Variants in KSR1 observed in about 807,000 individuals in gnomAD.
The protein encoded by KSR1 is kinase suppressor of ras.
In KSR1, 35 loss-of-function variants were observed where a neutral mutation model predicts 92.9. The ratio of observed to expected loss-of-function variants is 0.38; its 90% CI spans 0.29 to 0.50. KSR1 has a LOEUF of 0.50. Among genes scored for constraint, KSR1 ranks in the 20% least tolerant of loss-of-function variants. The pLI is 0.94. For synonymous variants in KSR1, 467 were observed against 472.6 expected, an observed-to-expected ratio of 0.99 and a Z score of 0.15; for missense variants, 972 against 1,158.5, an observed-to-expected ratio of 0.84 and a Z score of 2.34.
intron 2 of KSR1, among the ~76,000 whole-genome samples, chr17:27,568,207 G>A (rs141886707): frequency 4.6e-5 from 7 of 152,308 alleles, no homozygotes; most frequent in Admixed American, 6.5e-5. Context: ...TCCAAAACCC[G>A]ACAGCTCTTG....
chr17:27,562,079 C>T (rs1427123376), intron 2 of KSR1, among the ~76,000 whole-genome samples: 1 of 152,160 alleles, frequency 6.6e-6, no homozygotes, highest in Admixed American at 6.5e-5. Context: ...CTCTAGTCCT[C>T]AAGTGATCTG....
chr17:27,519,967 G>A (rs1401533776), intron 1 of KSR1, among the ~76,000 whole-genome samples: 1 of 152,208 alleles, frequency 6.6e-6, no homozygotes, highest in Non-Finnish European at 1.5e-5. Context: ...GCTGCTGTTA[G>A]ACCATGGGTA....
chr17:27,465,839 G>A (rs182588571), intron 1 of KSR1, among the ~76,000 whole-genome samples: 1 of 151,896 alleles, frequency 6.6e-6, no homozygotes, highest in Non-Finnish European at 1.5e-5. Context: ...TTCATTCATG[G>A]TGCACACACA....
At chr17:27,576,256 A>G (rs1295855184) in intron 2 of KSR1, among the ~76,000 whole-genome samples, 1 of 152,136 alleles carries the variant, frequency 6.6e-6, no homozygotes, top group Non-Finnish European at 1.5e-5. Context: ...CCTTTTCTGT[A>G]GGGGATATGT....
chr17:27,546,917 G>A (rs1827379653), intron 1 of KSR1, among the ~76,000 whole-genome samples: 1 of 152,182 alleles, frequency 6.6e-6, no homozygotes, highest in Non-Finnish European at 1.5e-5. Context: ...AACCTCAGCA[G>A]TGTGTTTGAT....
chr17:27,594,426 A>G (rs1359345984), intron 9 of KSR1, among the ~76,000 whole-genome samples: 1 of 151,428 alleles, frequency 6.6e-6, no homozygotes, highest in African/African-American at 2.4e-5. Context: ...TGGGTCCTGC[A>G]CGACCACCTG....
chr17:27,552,016 C>G (rs570597549), intron 2 of KSR1, among the ~76,000 whole-genome samples: 1 of 152,330 alleles, frequency 6.6e-6, no homozygotes, highest in South Asian at 2.1e-4. Context: ...TCGGTAGACT[C>G]TAACCTTTGC....
chr17:27,462,397 G>A (rs1479878277), intron 1 of KSR1, among the ~76,000 whole-genome samples: 1 of 152,138 alleles, frequency 6.6e-6, no homozygotes, highest in African/African-American at 2.4e-5. Context: ...GGGCTGGGCC[G>A]AGGGCATTCC....
At chr17:27,584,737 G>A (rs540369665) in intron 4 of KSR1, among the ~76,000 whole-genome samples, 3 of 152,284 alleles carry the variant, frequency 2.0e-5, no homozygotes, top group East Asian at 1.9e-4. Flanking sequence ...CAGCACTGAC[G>A]TGACGCTCAG....
chr17:27,552,918 C>G (rs1308213672), intron 2 of KSR1, among the ~76,000 whole-genome samples: 1 of 152,122 alleles, frequency 6.6e-6, no homozygotes, highest in East Asian at 1.9e-4. Context: ...ATCCCAACAC[C>G]CTACTTAATA....
At chr17:27,556,966 A>G (rs1257097840) in intron 2 of KSR1, among the ~76,000 whole-genome samples, 2 of 152,186 alleles carry the variant, frequency 1.3e-5, no homozygotes, top group African/African-American at 2.4e-5. Flanking sequence ...TAAAGGGCCA[A>G]CAGGACAGCT....
chr17:27,611,792 T>G (rs2073925412), intron 18 of KSR1, among the ~76,000 whole-genome samples, 163 bp downstream of exon 18: 1 of 151,696 alleles, frequency 6.6e-6, no homozygotes, highest in Admixed American at 6.6e-5. Context: ...TGCCCGGGAA[T>G]GGGGAAGGAA....
At chr17:27,543,564 A>G (rs1477829308) in intron 1 of KSR1, among the ~76,000 whole-genome samples, 1 of 152,118 alleles carries the variant, frequency 6.6e-6, no homozygotes, top group Non-Finnish European at 1.5e-5. Context: ...CGTGCTCTCC[A>G]GGGATGTCTG....
At chr17:27,605,012 A>G (rs2073701962) in intron 13 of KSR1, among the ~76,000 whole-genome samples, 3 of 152,222 alleles carry the variant, frequency 2.0e-5, no homozygotes, top group Non-Finnish European at 4.4e-5. Flanking sequence ...GGATCCCTCC[A>G]TTGCATTATG....
intron 10 of KSR1, 39 bp downstream of exon 10, chr17:27,597,475 C>G: frequency 1.9e-6 from 3 of 1,552,542 alleles, no homozygotes; most frequent in Non-Finnish European, 2.6e-6. Flanking sequence ...CTAAGGGATA[C>G]AGTCAGATCC....
intron 1 of KSR1, among the ~76,000 whole-genome samples, chr17:27,530,256 G>A (rs2070480206): frequency 6.6e-6 from 1 of 152,166 alleles, no homozygotes; most frequent in Non-Finnish European, 1.5e-5. Flanking sequence ...ACCAGCCTGG[G>A]CAACATGGTG....
chr17:27,585,772 C>T (rs1425975544), intron 5 of KSR1, 111 bp downstream of exon 5: 2 of 717,238 alleles, frequency 2.8e-6, no homozygotes, highest in African/African-American at 3.5e-5. Context: ...TCAGCCTCTC[C>T]ATAGTCCAGA....
At chr17:27,590,302 G>A (rs566644218) in intron 6 of KSR1, among the ~76,000 whole-genome samples, 18 of 152,292 alleles carry the variant, frequency 1.2e-4, no homozygotes, top group African/African-American at 3.9e-4. Flanking sequence ...AGATCATTCC[G>A]TATTTGCACA....
chr17:27,573,279 C>T (rs2072379747), intron 2 of KSR1, among the ~76,000 whole-genome samples: 1 of 152,144 alleles, frequency 6.6e-6, no homozygotes, highest in Non-Finnish European at 1.5e-5. Flanking sequence ...TTCTGGTGCC[C>T]CTCCATTGCC....
Sources: gnomAD v4.1 joint callset for allele counts (sites outside exome capture counted in the v4.1 genomes callset) on GRCh38, gnomAD v4.1.1 for gene constraint, MANE v1.5 for transcripts, NCBI Gene and HGNC (gene_info 2026-07-23, HGNC 2026-07-21) for gene names.